The following MTREX variants were observed in gnomAD, a reference collection of about 807,000 sequenced individuals.
MTREX encodes exosome RNA helicase MTR4.
MTREX carries 76 observed loss-of-function variants against 135.4 expected under a neutral mutation model. The ratio of observed to expected loss-of-function variants is 0.56; its 90% CI spans 0.47 to 0.68. The LOEUF (loss-of-function observed/expected upper bound fraction) is 0.68, where lower values mean the gene tolerates loss of function less well. MTREX is among the 30% of genes least tolerant of loss of function. The pLI is 0.00. For synonymous variants in MTREX, 404 were observed against 401.6 expected, an observed-to-expected ratio of 1.01 and a Z score of -0.07; for missense variants, 920 against 1,262.1, an observed-to-expected ratio of 0.73 and a Z score of 4.11.
chr5:55,395,417 TAAATA>T lies in MTREX; in HGVS notation c.2182-1985_2182-1981del, dbSNP rs1020191358. 3.1e-4 allele frequency among the ~76,000 whole-genome samples: 47 copies of T among 151,646 alleles called. 1 individual carries two copies. The highest frequency in any genetic ancestry group is 1.1e-3 in the African/African-American group (44 of 41,342). On this transcript the variant is annotated intron_variant, in intron 19 of 26. Transcript: ENST00000230640. ...CAAGACTCTGTCTCAAAAAATAAAA[TAAATA>T]AAATAAAATAAAAGTTAGAAAAGTC... is the stretch of plus-strand genomic sequence containing the variant.
At chr5:55,352,305 C>G (rs1398170719) in intron 13 of MTREX, among the ~76,000 whole-genome samples, 6 of 152,094 alleles carry the variant, frequency 3.9e-5, no homozygotes, top group African/African-American at 1.2e-4. Context: ...TTTGAAGTCA[C>G]TTAGATAATG....
rs370176109 is a variant in MTREX at position 55,341,790 on chromosome 5, T to G, written c.781+19T>G. The stretch of plus-strand genomic sequence containing the variant: ...GATTCAGGTATATTCAGTGTTGAAA[T>G]GTATATCATGTATTTCCCTTCAGAA... On this transcript the variant is annotated intron_variant, in intron 7 of 26. Transcript: ENST00000230640. 1,273 of 1,111,814 alleles carry G rather than the reference T, an allele frequency of 1.1e-3. 2 individuals carry two copies. Among genetic ancestry groups the G allele is most frequent in the Non-Finnish European group, 1.3e-3 (964 of 757,404 alleles). 68.9% of individuals were successfully genotyped at this position (1,111,814 alleles called of 1,614,324 possible).
chr5:55,368,090 T>C (rs542678783), intron 16 of MTREX, among the ~76,000 whole-genome samples: 44 of 152,336 alleles, frequency 2.9e-4, no homozygotes, highest in Non-Finnish European at 4.7e-4. Flanking sequence ...TTGTTAAATA[T>C]TTACCTTACG....
intron 23 of MTREX, among the ~76,000 whole-genome samples, chr5:55,410,884 C>A (rs537004510): frequency 6.6e-6 from 1 of 151,988 alleles, no homozygotes; most frequent in Non-Finnish European, 1.5e-5. Context: ...GTTCTGTAAC[C>A]CAATTCATTG....
chr5:55,389,638 A>G (rs1329639024), intron 19 of MTREX, among the ~76,000 whole-genome samples: 1 of 152,152 alleles, frequency 6.6e-6, no homozygotes, highest in Admixed American at 6.5e-5. Context: ...AGATTTTAAC[A>G]AACTTGTAGG....
chr5:55,413,260 C>A (rs1335343270), intron 23 of MTREX, among the ~76,000 whole-genome samples: 1 of 151,500 alleles, frequency 6.6e-6, no homozygotes, highest in African/African-American at 2.4e-5. Context: ...TCGCTTGAAC[C>A]CGGGAGGTGG....
intron 13 of MTREX, among the ~76,000 whole-genome samples, chr5:55,351,243 G>A (rs2112069814): frequency 6.6e-6 from 1 of 152,234 alleles, no homozygotes; most frequent in Non-Finnish European, 1.5e-5. Context: ...CTTCAAGAAT[G>A]TAGTGGTGGC....
At chr5:55,338,719 C>G (rs1228076108) in intron 5 of MTREX, among the ~76,000 whole-genome samples, 1 of 148,328 alleles carries the variant, frequency 6.7e-6, no homozygotes. Flanking sequence ...ACAGTCATCA[C>G]AAATCTGCTT....
At chr5:55,325,452 C>T (rs897139350) in intron 3 of MTREX, among the ~76,000 whole-genome samples, 2 of 151,546 alleles carry the variant, frequency 1.3e-5, no homozygotes, top group Non-Finnish European at 2.9e-5. Context: ...CTGTCTCAGC[C>T]TCCCAAGCAG....
At position 55,379,154 on chromosome 5, in the gene MTREX, T is replaced by C; in HGVS notation, c.2011T>C (p.Trp671Arg). The C allele has an allele frequency of 1.2e-6, 2 of 1,609,560 alleles. No individual in the cohort carries two copies. The highest frequency in any genetic ancestry group is 1.7e-6 in the Non-Finnish European group (2 of 1,177,288). Residue 671 changes from tryptophan (W) to arginine (R), a missense_variant, in exon 18 of 27, where the codon TGG becomes CGG. By Grantham distance (101) the Trp-to-Arg change is moderately radical. Coordinates refer to ENST00000230640, the MANE Select transcript of MTREX (RefSeq NM_015360.5). ...AAAGAATGAAGGAGATGACTTTGGC[T>C]GGGGAGTAGTGGTGAATTTCTCAAA... Reference protein sequence around the residue: ...KVKNEGDDFGWGVVVNFSKKS... With the variant: ...KVKNEGDDFGRGVVVNFSKKS...
At chr5:55,309,129 A>G (rs1749053673) in intron 1 of MTREX, among the ~76,000 whole-genome samples, 1 of 152,192 alleles carries the variant, frequency 6.6e-6, no homozygotes, top group African/African-American at 2.4e-5. Context: ...TGAGTTAAGG[A>G]AATTGTGTTG....
chr5:55,357,925 G>A (rs142270638), intron 14 of MTREX, among the ~76,000 whole-genome samples: 1 of 152,288 alleles, frequency 6.6e-6, no homozygotes, highest in Non-Finnish European at 1.5e-5. Context: ...AAATAGGAGA[G>A]AATTTTGTTT....
At chr5:55,378,600 G>A (rs565184221) in intron 17 of MTREX, 114 bp downstream of exon 17, 92 of 1,184,374 alleles carry the variant, frequency 7.8e-5, no homozygotes, top group Non-Finnish European at 1.1e-4. Flanking sequence ...TACAATAGTT[G>A]ATCTATATTA....
Position 55,345,856 on chromosome 5 carries a change from C to T in MTREX, c.1108+660C>T, listed in dbSNP as rs184930008. 6.6e-4 allele frequency among the ~76,000 whole-genome samples: 100 copies of T among 151,834 alleles called. 1 individual carries two copies. Among genetic ancestry groups the T allele is most frequent in the African/African-American group, 2.3e-3 (97 of 41,442 alleles). ...ATAATTTTTGTATTTTTAGTAGAGA[C>T]GGGGTTTCACTGTGTTGGCTAGGCA... is the stretch of plus-strand genomic sequence containing the variant. On this transcript the variant is annotated intron_variant, in intron 10 of 26. Coordinates refer to ENST00000230640, the MANE Select transcript of MTREX (RefSeq NM_015360.5).
intron 1 of MTREX, among the ~76,000 whole-genome samples, chr5:55,311,941 T>C (rs1168085996): frequency 1.3e-5 from 2 of 152,230 alleles, no homozygotes; most frequent in Admixed American, 1.3e-4. Context: ...TGGACTGCTC[T>C]GATCTAGTGG....
At chr5:55,337,997 C>T (rs1749581818) in intron 5 of MTREX, among the ~76,000 whole-genome samples, 1 of 152,044 alleles carries the variant, frequency 6.6e-6, no homozygotes, top group Admixed American at 6.6e-5. Flanking sequence ...GTATTTTCTT[C>T]TCATTTTTGT....
At chr5:55,336,155 A>G (rs993048071) in intron 5 of MTREX, among the ~76,000 whole-genome samples, 1 of 152,166 alleles carries the variant, frequency 6.6e-6, no homozygotes, top group African/African-American at 2.4e-5. Flanking sequence ...ACATTCCATA[A>G]GACTTTCTAT....
At chr5:55,377,548 C>G (rs1293373944) in intron 16 of MTREX, among the ~76,000 whole-genome samples, 2 of 152,158 alleles carry the variant, frequency 1.3e-5, no homozygotes, top group African/African-American at 2.4e-5. Flanking sequence ...TGGCCTCACC[C>G]TAAGAGATAT....
chr5:55,356,456 GT>G, intron 14 of MTREX: 1 of 208,904 alleles, frequency 4.8e-6, no homozygotes, highest in Non-Finnish European at 1.0e-5. Flanking sequence ...ATTTGAGGAG[GT>G]TTTGGGAGAT....
Sources: allele counts gnomAD v4.1 joint callset (sites outside exome capture counted in the v4.1 genomes callset), GRCh38; gene constraint gnomAD v4.1.1; transcripts MANE v1.5; gene names NCBI Gene and HGNC (gene_info 2026-07-23, HGNC 2026-07-21).